The following NUDCD3 variants were observed in gnomAD, a reference collection of about 807,000 sequenced individuals.
NUDCD3 encodes nudC domain-containing protein 3.
In NUDCD3, 13 loss-of-function variants were observed where a neutral mutation model predicts 39.7. That is an observed-to-expected ratio of 0.33 (90% CI 0.21 to 0.52). The LOEUF is 0.52. Among genes scored for constraint, NUDCD3 ranks in the 20% least tolerant of loss-of-function variants. The pLI is 0.96. For synonymous variants in NUDCD3, 175 were observed against 172.4 expected (o/e 1.02, Z -0.12); for missense variants, 453 against 458.1 (o/e 0.99, Z 0.10).
intron 2 of NUDCD3, among the ~76,000 whole-genome samples, chr7:44,481,651 T>C (rs574836852): frequency 1.3e-5 from 2 of 152,358 alleles, no homozygotes; most frequent in Admixed American, 1.3e-4. Context: ...TATAAATGTA[T>C]TTCTCCATTC....
At chr7:44,456,464 T>C (rs1280402320) in intron 2 of NUDCD3, among the ~76,000 whole-genome samples, 1 of 152,206 alleles carries the variant, frequency 6.6e-6, no homozygotes, top group Non-Finnish European at 1.5e-5. Context: ...TGCACTCGAC[T>C]TGTCATATCA....
chr7:44,430,568 A>ACT (rs1554491041), intron 2 of NUDCD3, among the ~76,000 whole-genome samples: 2 of 128,070 alleles, frequency 1.6e-5, no homozygotes, highest in East Asian at 2.0e-4. Context: ...ACACACACAC[A>ACT]CTCACACACA....
intron 2 of NUDCD3, among the ~76,000 whole-genome samples, chr7:44,451,245 C>G (rs1799788765): frequency 6.6e-6 from 1 of 152,158 alleles, no homozygotes; most frequent in African/African-American, 2.4e-5. Context: ...ACAAAAATTA[C>G]TATATGATTC....
intron 5 of NUDCD3, among the ~76,000 whole-genome samples, chr7:44,389,742 A>G (rs762640953): frequency 3.4e-4 from 52 of 152,276 alleles, no homozygotes; most frequent in Non-Finnish European, 5.9e-4. Context: ...GCAATGTTAC[A>G]AGGTGTTGGC....
At chr7:44,427,987 C>G (rs933855799) in intron 2 of NUDCD3, among the ~76,000 whole-genome samples, 6 of 152,078 alleles carry the variant, frequency 3.9e-5, no homozygotes, top group African/African-American at 1.4e-4. Context: ...TGACCACAGT[C>G]AAACCATAGC....
chr7:44,461,008 G>C (rs1799998656), intron 2 of NUDCD3, among the ~76,000 whole-genome samples: 1 of 152,198 alleles, frequency 6.6e-6, no homozygotes, highest in South Asian at 2.1e-4. Context: ...GGTAGTCCTA[G>C]ACAACAGGCC....
intron 2 of NUDCD3, among the ~76,000 whole-genome samples, chr7:44,455,822 C>T (rs1360357882): frequency 6.6e-6 from 1 of 151,456 alleles, no homozygotes; most frequent in Non-Finnish European, 1.5e-5. Context: ...GTCAGGAGAT[C>T]GAGACCATCC....
At chr7:44,436,332 C>T (rs73105355) in intron 2 of NUDCD3, among the ~76,000 whole-genome samples, 19,570 of 152,178 alleles carry the variant, frequency 0.13, 1,673 homozygotes, top group Non-Finnish European at 0.19. Flanking sequence ...ACAACCATGT[C>T]GTGTTGCTAA....
chr7:44,421,989 C>T (rs1487865612), intron 3 of NUDCD3, among the ~76,000 whole-genome samples: 1 of 152,200 alleles, frequency 6.6e-6, no homozygotes, highest in East Asian at 1.9e-4. Context: ...GAAACTCACT[C>T]AAAACCGCAC....
intron 3 of NUDCD3, among the ~76,000 whole-genome samples, chr7:44,414,046 AG>A (rs1798977384): frequency 6.6e-6 from 1 of 152,102 alleles, no homozygotes; most frequent in Admixed American, 6.5e-5. Context: ...AAAAAAAAAA[AG>A]AAAAAAGAAA....
chr7:44,407,768 G>A (rs1474681299), intron 3 of NUDCD3, among the ~76,000 whole-genome samples: 1 of 151,602 alleles, frequency 6.6e-6, no homozygotes, highest in African/African-American at 2.4e-5. Context: ...AGAACAATTA[G>A]GCCAAAAAGA....
chr7:44,451,132 A>G (rs1375495101), intron 2 of NUDCD3, among the ~76,000 whole-genome samples: 1 of 152,248 alleles, frequency 6.6e-6, no homozygotes, highest in Non-Finnish European at 1.5e-5. Context: ...GTATATCCAT[A>G]CGATGGATTA....
intron 2 of NUDCD3, among the ~76,000 whole-genome samples, chr7:44,455,302 T>C (rs1261584835): frequency 6.6e-6 from 1 of 152,108 alleles, no homozygotes; most frequent in Admixed American, 6.5e-5. Flanking sequence ...GGCGTGTGTA[T>C]GGCACTGCAC....
chr7:44,462,681 C>T (rs1169791965), intron 2 of NUDCD3, among the ~76,000 whole-genome samples: 1 of 152,172 alleles, frequency 6.6e-6, no homozygotes, highest in African/African-American at 2.4e-5. Flanking sequence ...GGCACTGTCC[C>T]CTGCCCTGCA....
intron 2 of NUDCD3, among the ~76,000 whole-genome samples, chr7:44,463,765 G>T (rs1371956686): frequency 1.3e-5 from 2 of 152,080 alleles, no homozygotes; most frequent in African/African-American, 4.8e-5. Context: ...CTTGAGGGAT[G>T]ATCAAAGGGG....
chr7:44,396,113 G>GTC (rs1554487479), intron 4 of NUDCD3, among the ~76,000 whole-genome samples: 1 of 151,474 alleles, frequency 6.6e-6, no homozygotes, highest in African/African-American at 2.4e-5. Flanking sequence ...GTGTGTGTGT[G>GTC]TGTGTGTGTG....
intron 1 of NUDCD3, among the ~76,000 whole-genome samples, chr7:44,486,492 T>C (rs559944456): frequency 2.0e-4 from 30 of 151,320 alleles, no homozygotes; most frequent in Non-Finnish European, 4.0e-4. Flanking sequence ...CACCAAACAG[T>C]GTGGGGAGAT....
intron 3 of NUDCD3, among the ~76,000 whole-genome samples, chr7:44,411,926 A>G (rs1357146767): frequency 6.6e-6 from 1 of 152,242 alleles, no homozygotes; most frequent in African/African-American, 2.4e-5. Flanking sequence ...GCCTCTTTCT[A>G]GCCTCATTCC....
chr7:44,422,815 T>C (rs1799166739), intron 3 of NUDCD3, among the ~76,000 whole-genome samples: 1 of 152,052 alleles, frequency 6.6e-6, no homozygotes, highest in Admixed American at 6.5e-5. Flanking sequence ...TCATCCTGAT[T>C]CCAAAACCTG....
Sources: gnomAD v4.1 joint callset for allele counts (sites outside exome capture counted in the v4.1 genomes callset) on GRCh38, gnomAD v4.1.1 for gene constraint, MANE v1.5 for transcripts, NCBI Gene and HGNC (gene_info 2026-07-23, HGNC 2026-07-21) for gene names.